The following SH3GL2 variants were observed in gnomAD, a reference collection of about 807,000 sequenced individuals.
SH3GL2 encodes SH3 domain containing GRB2 like 2, endophilin A1, also known as endophilin-A1.
Under a neutral mutation model 46.0 loss-of-function variants are expected in SH3GL2, and 24 were observed. That is an observed-to-expected ratio of 0.52 (90% CI 0.38 to 0.73). The LOEUF (loss-of-function observed/expected upper bound fraction) is 0.73. SH3GL2 is among the 30% of genes least tolerant of loss of function. SH3GL2 has a pLI of 0.00. For synonymous variants in SH3GL2, 196 were observed against 147.1 expected (o/e 1.33, Z -2.40); for missense variants, 413 against 424.2 (o/e 0.97, Z 0.23).
chr9:17,624,347 A>G (rs554152856), intron 1 of SH3GL2, among the ~76,000 whole-genome samples: 4 of 152,196 alleles, frequency 2.6e-5, no homozygotes, highest in Non-Finnish European at 4.4e-5. Context: ...CTGTAAGGTC[A>G]TATAGATATC....
chr9:17,593,737 C>A (rs1046239740), intron 1 of SH3GL2, among the ~76,000 whole-genome samples: 2 of 152,030 alleles, frequency 1.3e-5, no homozygotes, highest in Non-Finnish European at 2.9e-5. Context: ...TGTTCTGTGC[C>A]CGATGTTCAG....
intron 1 of SH3GL2, among the ~76,000 whole-genome samples, chr9:17,666,544 A>ATG (rs1820345352): frequency 1.1e-5 from 1 of 93,624 alleles, no homozygotes; most frequent in African/African-American, 4.1e-5. Context: ...CACAAAGGTA[A>ATG]CGTGTGTGTG....
chr9:17,795,764 G>T lies in SH3GL2; in HGVS notation c.*21G>T, dbSNP rs1316242670. Reference sequence around the variant, plus strand: ...ATTAGGATGTTATGCTGGCTGGCTCGCCTCCTCTTGACCCAGATAGTTACG... The same window carrying T: ...ATTAGGATGTTATGCTGGCTGGCTCTCCTCCTCTTGACCCAGATAGTTACG... On this transcript the variant is annotated 3_prime_UTR_variant, in exon 9 of 9. Coordinates refer to ENST00000380607, the MANE Select transcript of SH3GL2 (RefSeq NM_003026.5). 5 of 1,592,574 alleles carry T rather than the reference G, an allele frequency of 3.1e-6. No homozygotes were observed. Among genetic ancestry groups the T allele is most frequent in the Admixed American group, 1.7e-5 (1 of 59,748 alleles).
intron 1 of SH3GL2, among the ~76,000 whole-genome samples, chr9:17,624,437 C>A (rs989251969): frequency 2.6e-5 from 4 of 152,126 alleles, no homozygotes; most frequent in African/African-American, 9.7e-5. Context: ...GTGATAGGTG[C>A]GCAAACATGA....
At chr9:17,758,778 A>AATG (rs61242841) in intron 2 of SH3GL2, among the ~76,000 whole-genome samples, 74,168 of 151,218 alleles carry the variant, frequency 0.49, 18,598 homozygotes, top group East Asian at 0.88. Flanking sequence ...CTTGCTCTGT[A>AATG]ATGATGCCTG....
chr9:17,580,331 T>C (rs1818254651), intron 1 of SH3GL2, among the ~76,000 whole-genome samples: 1 of 152,196 alleles, frequency 6.6e-6, no homozygotes, highest in South Asian at 2.1e-4. Context: ...TTCTCGGAAG[T>C]AGTGAGGTTT....
At chr9:17,679,193 A>G (rs1488352514) in intron 1 of SH3GL2, among the ~76,000 whole-genome samples, 3 of 152,070 alleles carry the variant, frequency 2.0e-5, no homozygotes, top group Non-Finnish European at 4.4e-5. Flanking sequence ...CTTGATGGGG[A>G]TGGCATTGAA....
intron 1 of SH3GL2, among the ~76,000 whole-genome samples, chr9:17,692,694 G>A (rs1361371601): frequency 1.3e-5 from 2 of 151,900 alleles, no homozygotes; most frequent in Admixed American, 1.3e-4. Context: ...GGGCAGAGGT[G>A]GATAAGAAAT....
intron 2 of SH3GL2, among the ~76,000 whole-genome samples, chr9:17,752,258 T>G (rs147790786): frequency 6.8e-4 from 104 of 152,288 alleles, no homozygotes; most frequent in African/African-American, 2.4e-3. Flanking sequence ...GGACACGGTT[T>G]TCATCATGTC....
chr9:17,673,319 T>A (rs1007908311), intron 1 of SH3GL2, among the ~76,000 whole-genome samples: 7 of 28,582 alleles, frequency 2.4e-4, no homozygotes, highest in African/African-American at 1.4e-3. Flanking sequence ...TAGTTTTTAA[T>A]TTTTTTTTTT....
intron 3 of SH3GL2, among the ~76,000 whole-genome samples, chr9:17,764,544 A>G (rs1002891981): frequency 6.6e-6 from 1 of 152,256 alleles, no homozygotes; most frequent in Non-Finnish European, 1.5e-5. Flanking sequence ...TGAATAAGCA[A>G]GATATGGCCT....
chr9:17,653,499 CTT>C (rs1221242144), intron 1 of SH3GL2, among the ~76,000 whole-genome samples: 1 of 152,080 alleles, frequency 6.6e-6, no homozygotes, highest in East Asian at 1.9e-4. Flanking sequence ...GAGCTGTTGT[CTT>C]TTATTGATGG....
Position 17,747,215 on chromosome 9 carries a change from G to T in SH3GL2, c.114+81G>T. ...TAGAGGAGAAGAGAAAACGGGAGAG[G>T]GCAACTGTTTTCCACTGGTCTCTGA... On this transcript the variant is annotated intron_variant, in intron 2 of 8. Transcript: ENST00000380607. 6 of 825,376 alleles carry T rather than the reference G, an allele frequency of 7.3e-6. No individual in the cohort carries two copies. In the South Asian group the frequency reaches 8.0e-5, roughly 11 times the overall value. 51.1% of individuals were successfully genotyped at this position (825,376 alleles called of 1,614,324 possible).
intron 1 of SH3GL2, among the ~76,000 whole-genome samples, chr9:17,720,856 C>T (rs932097145): frequency 6.6e-6 from 1 of 152,042 alleles, no homozygotes; most frequent in Non-Finnish European, 1.5e-5. Context: ...TTTAGGTGAG[C>T]CACCAAAATT....
At chr9:17,607,257 A>G (rs923037028) in intron 1 of SH3GL2, among the ~76,000 whole-genome samples, 4 of 152,234 alleles carry the variant, frequency 2.6e-5, no homozygotes, top group African/African-American at 9.6e-5. Flanking sequence ...GCTCCAAGGT[A>G]ATGAACCTGT....
chr9:17,761,589 G>A (rs1300024453), intron 3 of SH3GL2, 80 bp downstream of exon 3: 3 of 928,686 alleles, frequency 3.2e-6, no homozygotes, highest in Admixed American at 1.7e-5. Context: ...TAAGTTTGGT[G>A]TGTTTCTTCT....
intron 1 of SH3GL2, among the ~76,000 whole-genome samples, chr9:17,588,976 T>A (rs1025328572): frequency 6.6e-6 from 1 of 152,116 alleles, no homozygotes; most frequent in African/African-American, 2.4e-5. Context: ...AAAAGTGGGT[T>A]TTTGGTTAAA....
intron 1 of SH3GL2, among the ~76,000 whole-genome samples, chr9:17,736,499 C>T (rs974543796): frequency 2.0e-5 from 3 of 152,084 alleles, no homozygotes; most frequent in Non-Finnish European, 4.4e-5. Flanking sequence ...CTTATTGTTA[C>T]CTAAGGTAAA....
chr9:17,623,919 A>G (rs923454902), intron 1 of SH3GL2, among the ~76,000 whole-genome samples: 2 of 152,220 alleles, frequency 1.3e-5, no homozygotes, highest in African/African-American at 4.8e-5. Flanking sequence ...CAGATCTAAT[A>G]TTTATATTCC....
Sources: gnomAD v4.1 joint callset for allele counts (sites outside exome capture counted in the v4.1 genomes callset) on GRCh38, gnomAD v4.1.1 for gene constraint, MANE v1.5 for transcripts, NCBI Gene and HGNC (gene_info 2026-07-23, HGNC 2026-07-21) for gene names.